Variants in CAMK4 observed in about 807,000 individuals in gnomAD.
The protein encoded by CAMK4 is calcium/calmodulin dependent protein kinase IV, also known as calcium/calmodulin-dependent protein kinase type IV.
A neutral mutation model predicts 44.9 loss-of-function variants in CAMK4; 22 were observed. That is an observed-to-expected ratio of 0.49 (90% CI 0.35 to 0.70). CAMK4 has a LOEUF of 0.70. CAMK4 is among the 30% of genes least tolerant of loss of function. The probability of loss-of-function intolerance (pLI) is 0.01; values close to 1 mark genes in which losing one functional copy is unlikely to be tolerated. For synonymous variants in CAMK4, 218 were observed against 215.4 expected, an observed-to-expected ratio of 1.01 and a Z score of -0.11; for missense variants, 498 against 586.8, an observed-to-expected ratio of 0.85 and a Z score of 1.56.
rs76603567 is a variant in CAMK4 at position 111,432,406 on chromosome 5, G to T, written c.460-14280G>T. On this transcript the variant is annotated intron_variant, in intron 5 of 10. Transcript: ENST00000282356. ...GGTAGGGATGGTTAATGGGTACCAA[G>T]AAAAATTAAAAAGAATGAATAAGGC... Among the ~76,000 whole-genome samples the T allele has an allele frequency of 6.5e-3, 980 of 151,900 alleles. 8 individuals carry two copies. Among genetic ancestry groups the T allele is most frequent in the African/African-American group, 0.022 (907 of 41,466 alleles).
At chr5:111,356,959 C>G (rs377083503) in intron 2 of CAMK4, among the ~76,000 whole-genome samples, 37 of 151,840 alleles carry the variant, frequency 2.4e-4, no homozygotes, top group South Asian at 6.2e-4. Context: ...GAGAGAGAGA[C>G]AGACAGACAG....
chr5:111,494,099 G>A lies in CAMK4; in HGVS notation c.*9633G>A, dbSNP rs1041670038. On this transcript the variant is annotated 3_prime_UTR_variant, in exon 11 of 11. Transcript: ENST00000282356. ...TTTCTGGACTAAAAGGATATAAGCA[G>A]CTCAATAGCAGCATAGAGGATTAGA... The A allele has an allele frequency of 6.6e-6, 1 of 152,182 alleles. No homozygotes were observed. The highest frequency in any genetic ancestry group is 2.4e-5 in the African/African-American group (1 of 41,460). The allele number at this position is 152,182 out of a possible 1,614,324, so 9.4% of individuals were successfully genotyped here.
At chr5:111,412,472 C>T (rs1022943036) in intron 5 of CAMK4, among the ~76,000 whole-genome samples, 11 of 152,224 alleles carry the variant, frequency 7.2e-5, no homozygotes, top group African/African-American at 2.4e-4. Flanking sequence ...AGAAGATAAA[C>T]AATATACTGG....
chr5:111,446,918 A>G (rs1282647290), intron 6 of CAMK4, 142 bp downstream of exon 6: 5 of 678,350 alleles, frequency 7.4e-6, no homozygotes, highest in Non-Finnish European at 1.3e-5. Flanking sequence ...AGGAAATAAT[A>G]TGTTGTTTTG....
chr5:111,409,125 T>C (rs160098), intron 5 of CAMK4, among the ~76,000 whole-genome samples: 140,014 of 152,312 alleles, frequency 0.92, 64,449 homozygotes, highest in East Asian at 1. Flanking sequence ...GGCAGTGCCC[T>C]GGTGAGGACT....
chr5:111,435,869 TA>T (rs569380721), intron 5 of CAMK4, among the ~76,000 whole-genome samples: 197 of 152,328 alleles, frequency 1.3e-3, no homozygotes, highest in African/African-American at 4.5e-3. Flanking sequence ...TTTATCCTCT[TA>T]ATCTCAACAT....
intron 5 of CAMK4, among the ~76,000 whole-genome samples, chr5:111,419,129 G>T (rs541903005): frequency 3.3e-5 from 5 of 152,042 alleles, no homozygotes; most frequent in Non-Finnish European, 7.4e-5. Context: ...TTTAATGATC[G>T]CCATTCTAAC....
chr5:111,389,709 A>G (rs1388445931), intron 4 of CAMK4, among the ~76,000 whole-genome samples: 1 of 152,180 alleles, frequency 6.6e-6, no homozygotes, highest in Non-Finnish European at 1.5e-5. Flanking sequence ...AAGGTAATTG[A>G]TTTTATTCCC....
chr5:111,277,177 C>T (rs1750800216), intron 1 of CAMK4, among the ~76,000 whole-genome samples: 1 of 152,178 alleles, frequency 6.6e-6, no homozygotes, highest in Admixed American at 6.5e-5. Context: ...AGACAGAACG[C>T]ATGAAGCTCC....
rs1305162266 is a variant in CAMK4, at chr5:111,264,655, T to A, written c.161+40011T>A. Among the ~76,000 whole-genome samples the A allele has an allele frequency of 2.6e-5, 4 of 152,118 alleles. No homozygotes were observed. The South Asian group carries it at 6.2e-4, about 24-fold the overall frequency. On this transcript the variant is annotated intron_variant, in intron 1 of 10. Coordinates refer to ENST00000282356, the MANE Select transcript of CAMK4 (RefSeq NM_001744.6). ...TCCGTTTCAGCTTGCTGTCCTCTCT[T>A]GTCACTGGTGATACTTTAAGAGTCA...
At chr5:111,326,820 G>C (rs1748911247) in intron 1 of CAMK4, among the ~76,000 whole-genome samples, 1 of 151,764 alleles carries the variant, frequency 6.6e-6, no homozygotes, top group African/African-American at 2.4e-5. Flanking sequence ...CATTGGACTG[G>C]ATTATCTACT....
chr5:111,376,779 G>GT, intron 3 of CAMK4, 81 bp from the exon 4 acceptor site: 1 of 782,580 alleles, frequency 1.3e-6, no homozygotes. Context: ...GCAGAATGTT[G>GT]TTTTAGCCAT....
At chr5:111,263,096 G>T (rs1251709417) in intron 1 of CAMK4, among the ~76,000 whole-genome samples, 3 of 152,222 alleles carry the variant, frequency 2.0e-5, no homozygotes, top group African/African-American at 7.2e-5. Flanking sequence ...ACAGCGAAAA[G>T]AGATCATAGT....
At position 111,347,440 on chromosome 5, in the gene CAMK4, T is replaced by C. The variant is rs114341321; in HGVS notation, c.240+3338T>C. Among the ~76,000 whole-genome samples the C allele has an allele frequency of 9.8e-3, 1,490 of 152,142 alleles. 21 individuals carry two copies. The highest frequency in any genetic ancestry group is 0.033 in the African/African-American group (1,369 of 41,548). ...ACAATCGTTTAAGCTATTATTACCT[T>C]TTTAATTAGTGGATTATTTATATTT... On this transcript the variant is annotated intron_variant, in intron 2 of 10. Transcript: ENST00000282356.
chr5:111,401,893 CGGACCTCAGAGGAATTTCCCATGAAGCT>C (rs1376008156), intron 5 of CAMK4, among the ~76,000 whole-genome samples: 1 of 152,134 alleles, frequency 6.6e-6, no homozygotes, highest in Non-Finnish European at 1.5e-5. Context: ...GTAGGTGGCT[CGGACCTCAGAGGAATTTCCCATGAAGCT>C]GGACCTCAGG....
chr5:111,456,060 G>A (rs1326005946), intron 7 of CAMK4, among the ~76,000 whole-genome samples: 3 of 152,066 alleles, frequency 2.0e-5, no homozygotes, highest in Non-Finnish European at 4.4e-5. Context: ...TGTTAAAAAT[G>A]TATCAATTCC....
intron 1 of CAMK4, among the ~76,000 whole-genome samples, chr5:111,268,290 T>G (rs538642092): frequency 1.3e-5 from 2 of 152,348 alleles, no homozygotes; most frequent in East Asian, 1.9e-4. Context: ...ATCATAATTC[T>G]TATTCAAATA....
chr5:111,353,537 A>G (rs1750201599), intron 2 of CAMK4, among the ~76,000 whole-genome samples: 1 of 152,136 alleles, frequency 6.6e-6, no homozygotes, highest in Non-Finnish European at 1.5e-5. Flanking sequence ...CAGCATTTAA[A>G]TGAGAATTCT....
At chr5:111,282,025 C>T (rs552726884) in intron 1 of CAMK4, among the ~76,000 whole-genome samples, 9 of 151,068 alleles carry the variant, frequency 6.0e-5, no homozygotes, top group Non-Finnish European at 1.3e-4. Context: ...CGCCACTGCA[C>T]TCCAGCCTGG....
Sources: allele counts gnomAD v4.1 joint callset (sites outside exome capture counted in the v4.1 genomes callset), GRCh38; gene constraint gnomAD v4.1.1; transcripts MANE v1.5; gene names NCBI Gene and HGNC (gene_info 2026-07-23, HGNC 2026-07-21).